The following OBSL1 variants were observed in gnomAD, a reference collection of about 807,000 sequenced individuals.
OBSL1 encodes obscurin like cytoskeletal adaptor 1.
Under a neutral mutation model 172.0 loss-of-function variants are expected in OBSL1, and 160 were observed. The observed-to-expected ratio is 0.93, with a 90% CI of 0.82 to 1.06. The LOEUF is 1.06. OBSL1 is among the 50% of genes least tolerant of loss of function. OBSL1 has a pLI of 0.00. For synonymous variants in OBSL1, 1,200 were observed against 1,196.3 expected, an observed-to-expected ratio of 1.00 and a Z score of -0.06; for missense variants, 2,681 against 2,715.4, an observed-to-expected ratio of 0.99 and a Z score of 0.28.
chr2:219,547,471 A>C, downstream of OBSL1: 1 of 1,390,374 alleles, frequency 7.2e-7, no homozygotes, highest in Non-Finnish European at 9.4e-7. Context: ...TGGTGCCCTC[A>C]TCTTGGCCCC....
In OBSL1 at chr2:219,568,600, A is replaced by C. The variant is rs1697106616; in HGVS notation, c.1013-276T>G. Among the ~76,000 whole-genome samples, 1 of 152,100 alleles carries C rather than the reference A, an allele frequency of 6.6e-6. No homozygotes were observed. The highest frequency in any genetic ancestry group is 2.4e-5 in the African/African-American group (1 of 41,422). ...CTTGTAAAATGGGGAAAGGGAGAGA[A>C]GGGGTTGGACCAGATTGATGATTTC... On this transcript the variant is annotated intron_variant, in intron 1 of 20. Transcript: ENST00000404537. The surrounding 1 kb of genome is among the most constrained non-coding windows in gnomAD (Gnocchi z 4.1).
At chr2:219,552,382 G>A in intron 18 of OBSL1, 154 bp downstream of exon 18, 1 of 860,556 alleles carries the variant, frequency 1.2e-6, no homozygotes, top group South Asian at 1.7e-5. Context: ...CGGGACTAGG[G>A]GCTGGGGGCG....
intron 13 of OBSL1, 60 bp downstream of exon 13, chr2:219,556,394 A>G (rs554434968): frequency 6.3e-7 from 1 of 1,599,706 alleles, no homozygotes; most frequent in East Asian, 2.2e-5. Context: ...AGGCTGCTGG[A>G]ATCCTGGTTG....
At chr2:219,563,255 G>C (rs1198951878) in intron 7 of OBSL1, 100 bp downstream of exon 7, 2 of 1,256,532 alleles carry the variant, frequency 1.6e-6, no homozygotes, top group Admixed American at 5.7e-5. Flanking sequence ...GAGGGCAGTA[G>C]GGGCGGGGAA....
chr2:219,553,025 C>G lies in OBSL1; in HGVS notation c.4990-1G>C, dbSNP rs974732988. The G allele has an allele frequency of 1.3e-6, 2 of 1,504,238 alleles. No individual in the cohort carries two copies. The highest frequency in any genetic ancestry group is 1.8e-6 in the Non-Finnish European group (2 of 1,132,956). 93.2% of individuals were successfully genotyped at this position (1,504,238 alleles called of 1,614,324 possible). A position where few individuals can be genotyped will look rare whatever the true frequency, so the allele number is the denominator to read the frequency against. ...GGCTAGGCGTAAGCGCGTTCCCGTC[C>G]TAGGGGCGGGAGTTGCAGAGGGTCG... On this transcript the variant is annotated splice_acceptor_variant, in intron 16 of 20. Transcript: ENST00000404537. LOFTEE classifies it high-confidence loss of function.
rs1443286808 is a variant in OBSL1 at position 219,553,599 on chromosome 2, G to C, written c.4964C>G (p.Ala1655Gly). 6.2e-7 allele frequency: 1 copy of C among 1,613,830 alleles called. No homozygotes were observed. Among genetic ancestry groups the C allele is most frequent in the East Asian group, 2.2e-5 (1 of 44,864 alleles). The change falls in exon 16 of 21, where the codon GCT (alanine) becomes GGT (glycine). Residue 1655 changes from alanine (A) to glycine (G), a missense_variant. Coordinates refer to ENST00000404537, the MANE Select transcript of OBSL1 (RefSeq NM_015311.3). ...CTTCTCCCAGGTAACATCAGCCAAA[G>C]CTTGGGAAAGCTCGCACTCGAACGT... ...TATFECELSQ[A>G]LADVTWEKDG...
rs1199130350 is a variant in OBSL1, at chr2:219,557,427, C to T, written c.3982G>A (p.Val1328Met). 7.7e-6 allele frequency: 12 copies of T among 1,548,900 alleles called. No individual in the cohort carries two copies. The highest frequency in any genetic ancestry group is 1.2e-5 in the South Asian group (1 of 83,968). ...EQAGARQVLR[V>M]QGARSGDAGE... ...GCGTCCCCGCTCCGTGCCCCCTGCACCCGCAGCACCTGCCTGGCCCCGGCC... is the reference window on the plus strand; with the variant it reads ...GCGTCCCCGCTCCGTGCCCCCTGCATCCGCAGCACCTGCCTGGCCCCGGCC... Residue 1328 changes from valine (V) to methionine (M), a missense_variant, in exon 12 of 21, where the codon GTG (valine) becomes ATG (methionine). Transcript: ENST00000404537.
rs1482266380 is a variant in OBSL1 at position 219,558,488 on chromosome 2, T to C, written c.3227-29A>G. The C allele has an allele frequency of 7.2e-6, 11 of 1,530,138 alleles. No individual in the cohort carries two copies. The East Asian group carries it at 2.7e-4, about 37-fold the overall frequency. 94.8% of individuals were successfully genotyped at this position (1,530,138 alleles called of 1,614,324 possible). On this transcript the variant is annotated intron_variant, in intron 9 of 20. Transcript: ENST00000404537. ...GTGGGTGGGCATGGAGAGGGGCACA[T>C]AGGCTTGGCCAGCAGGCCTCTCCTG...
rs866958379 is a variant in OBSL1 at position 219,557,366 on chromosome 2, C to G, written c.4043G>C (p.Arg1348Pro). ...EYLCDAPQDSRIFLVSVEEPL... is the reference protein window; with the variant it reads ...EYLCDAPQDSPIFLVSVEEPL... The stretch of plus-strand genomic sequence containing the variant: ...ACCTTCCACGCTGACAAGGAAGATG[C>G]GGCTGTCCTGGGGCGCATCGCACAG... Residue 1348 changes from arginine (R) to proline (P), a missense_variant, in exon 12 of 21, where the codon CGC becomes CCC. Transcript: ENST00000404537. 6.6e-7 allele frequency: 1 copy of G among 1,511,730 alleles called. No individual in the cohort carries two copies. The highest frequency in any genetic ancestry group is 1.4e-5 in the African/African-American group (1 of 72,586). The allele number at this position is 1,511,730 out of a possible 1,614,324, so 93.6% of individuals were successfully genotyped here.
chr2:219,562,077 T>C, intron 8 of OBSL1: 2 of 706,714 alleles, frequency 2.8e-6, no homozygotes, highest in Non-Finnish European at 5.3e-6. Flanking sequence ...CGACCCCTGG[T>C]TAACAGCTGC....
In OBSL1 at chr2:219,570,887, G is replaced by C. The variant is rs926208937; in HGVS notation, c.346C>G (p.Arg116Gly). 1 of 1,358,984 alleles carries C rather than the reference G, an allele frequency of 7.4e-7. No individual in the cohort carries two copies. The highest frequency in any genetic ancestry group is 3.1e-5 in the East Asian group (1 of 32,446). The allele number at this position is 1,358,984 out of a possible 1,614,324, so 84.2% of individuals were successfully genotyped here. Residue 116 changes from arginine to glycine, a missense_variant, in exon 1 of 21, where the codon CGC becomes GGC. This residue lies in a region of OBSL1 where 67 missense variants were observed against 109.3 expected (regional missense o/e 0.61). Transcript: ENST00000404537. ...ASDPELQPAERPLPSPGSGEG... is the reference protein window; with the variant it reads ...ASDPELQPAEGPLPSPGSGEG... ...CCGGACCCCGGCGATGGCAGCGGGC[G>C]CTCGGCGGGCTGCAGCTCGGGGTCG...
In OBSL1 at chr2:219,554,696, T is replaced by A. The variant is rs1346862336; in HGVS notation, c.4654A>T (p.Ser1552Cys). The change falls in exon 15 of 21, where the codon AGT becomes TGT. Residue 1552 changes from serine to cysteine, a missense_variant. By Grantham distance (112) the Ser-to-Cys change is moderately radical. Coordinates refer to ENST00000404537, the MANE Select transcript of OBSL1 (RefSeq NM_015311.3). ...TGGAAGGTGGCACTGCCCCCCTCAC[T>A]GATGGTCACGTCCTCCAGAGGCCGC... ...VLRPLEDVTI[S>C]EGGSATFQLE... 1 of 1,582,504 alleles carries A rather than the reference T, an allele frequency of 6.3e-7. No homozygotes were observed. The highest frequency in any genetic ancestry group is 1.3e-5 in the African/African-American group (1 of 74,264).
At chr2:219,555,756 G>T in intron 14 of OBSL1, 1 of 1,355,222 alleles carries the variant, frequency 7.4e-7, no homozygotes, top group Non-Finnish European at 9.5e-7. Context: ...CCCATGGCAA[G>T]TCTTTCTGGA....
rs1189664221 is a variant in OBSL1, at chr2:219,556,493, C to T, written c.4297G>A (p.Ala1433Thr). Residue 1433 changes from alanine to threonine, a missense_variant, in exon 13 of 21, where the codon GCA becomes ACA. By Grantham distance (58) the Ala-to-Thr change is moderately conservative. Around this residue, in one of 5 missense-constraint regions of OBSL1, gnomAD observed 1,765 missense variants for 1,748.3 expected, o/e 1.01. Transcript: ENST00000404537. ...CGGGCACTTGTGGCCGTGCTCCCTGCCCGCAAAGTCACGGTCCCTGCATCC... is the reference window on the plus strand; with the variant it reads ...CGGGCACTTGTGGCCGTGCTCCCTGTCCGCAAAGTCACGGTCCCTGCATCC... ...LGDAGTVTLR[A>T]GSTATSARLH... is the part of the protein sequence containing the mutation. 1 of 1,613,922 alleles carries T rather than the reference C, an allele frequency of 6.2e-7. No individual in the cohort carries two copies. Among genetic ancestry groups the T allele is most frequent in the Admixed American group, 1.7e-5 (1 of 60,026 alleles).
intron 15 of OBSL1, chr2:219,554,224 C>T: frequency 1.7e-6 from 1 of 572,388 alleles, no homozygotes; most frequent in Non-Finnish European, 3.1e-6. Flanking sequence ...ATGGCAAAGG[C>T]ATGCTCTTGG....
intron 18 of OBSL1, 61 bp downstream of exon 18, chr2:219,552,475 G>T: frequency 6.7e-7 from 1 of 1,492,914 alleles, no homozygotes; most frequent in Non-Finnish European, 9.0e-7. Flanking sequence ...CGGTGGGGCG[G>T]GATCTGTTCG....
intron 8 of OBSL1, among the ~76,000 whole-genome samples, chr2:219,560,044 G>T (rs1574547191): frequency 6.6e-6 from 1 of 152,166 alleles, no homozygotes; most frequent in South Asian, 2.1e-4. Flanking sequence ...CATGGATAAG[G>T]GATGGTGGAT....
rs748458628 is a variant in OBSL1, at chr2:219,568,654, C to T, written c.1013-330G>A. 6.6e-6 allele frequency among the ~76,000 whole-genome samples: 1 copy of T among 152,154 alleles called. No individual in the cohort carries two copies. Among genetic ancestry groups the T allele is most frequent in the African/African-American group, 2.4e-5 (1 of 41,438 alleles). On this transcript the variant is annotated intron_variant, in intron 1 of 20. Transcript: ENST00000404537. This position sits in a 1 kb window ranked among gnomAD's most constrained non-coding sequence, Gnocchi z 4.1. ...ACTGTTCCCTGGGGTCCTCCAGGCC[C>T]TAGATTGGTGATTTCCAAACTGTTC...
chr2:219,551,533 T>C lies in OBSL1; in HGVS notation c.5679A>G (p.Val1893=). 6.3e-7 allele frequency: 1 copy of C among 1,587,816 alleles called. No homozygotes were observed. The highest frequency in any genetic ancestry group is 8.6e-7 in the Non-Finnish European group (1 of 1,166,978). ...TGCCCAGTTGGCTTTACTCACCCTCTACCAGCAGCCGTGTGTGGGTGCTGT... is the reference window on the plus strand; with the variant it reads ...TGCCCAGTTGGCTTTACTCACCCTCCACCAGCAGCCGTGTGTGGGTGCTGT... ...GQDSTHTRLL[V]EGN The change falls in exon 20 of 21, where the codon GTA becomes GTG. Residue 1893 remains valine, a synonymous_variant. Transcript: ENST00000404537.
Sources: gnomAD v4.1 joint callset for allele counts (sites outside exome capture counted in the v4.1 genomes callset) on GRCh38, gnomAD v4.1.1 for gene constraint, gnomAD v4.1.1 regional missense constraint, Gnocchi (gnomAD v3.1) non-coding constraint, MANE v1.5 for transcripts, NCBI Gene and HGNC (gene_info 2026-07-23, HGNC 2026-07-21) for gene names.